The following SORCS2 variants were observed in gnomAD, a reference collection of about 807,000 sequenced individuals.
SORCS2 encodes the protein VPS10 domain-containing receptor SorCS2.
In SORCS2, 100 loss-of-function variants were observed where a neutral mutation model predicts 141.6. That is an observed-to-expected ratio of 0.71 (90% CI 0.60 to 0.83). The LOEUF (loss-of-function observed/expected upper bound fraction) is 0.83. Among genes scored for constraint, SORCS2 ranks in the 40% least tolerant of loss-of-function variants. The pLI, the probability that SORCS2 is intolerant of heterozygous loss-of-function variation, is 0.00. For missense variants in SORCS2, 1,646 were observed against 1,560.2 expected (o/e 1.05, Z -0.93); for synonymous variants, 789 against 676.9 (o/e 1.17, Z -2.57).
At chr4:7,698,170 C>T (rs979504223) in intron 12 of SORCS2, among the ~76,000 whole-genome samples, 2 of 152,208 alleles carry the variant, frequency 1.3e-5, no homozygotes, top group African/African-American at 4.8e-5. Flanking sequence ...CTGGCTGAAG[C>T]TGGCCTGCCA....
intron 18 of SORCS2, among the ~76,000 whole-genome samples, chr4:7,718,740 T>C (rs923872345): frequency 6.6e-6 from 1 of 151,062 alleles, no homozygotes; most frequent in African/African-American, 2.5e-5. Context: ...ACAAGTGTTA[T>C]ATTTTCTTCT....
intron 3 of SORCS2, among the ~76,000 whole-genome samples, chr4:7,537,723 G>A (rs1432321564): frequency 6.6e-6 from 1 of 152,150 alleles, no homozygotes; most frequent in African/African-American, 2.4e-5. Context: ...ATGAGAAAAG[G>A]GCGGCCGGAT....
chr4:7,486,073 G>A (rs78629475), intron 2 of SORCS2, among the ~76,000 whole-genome samples: 1,703 of 152,310 alleles, frequency 0.011, 9 homozygotes, highest in Non-Finnish European at 0.017. Context: ...CACAGCCTGG[G>A]GATGGCAACT....
intron 3 of SORCS2, among the ~76,000 whole-genome samples, chr4:7,614,604 AT>A (rs1718634072): frequency 1.3e-5 from 1 of 74,526 alleles, no homozygotes; most frequent in African/African-American, 6.6e-5. Context: ...CCATCCACCT[AT>A]CCACCTATCC....
chr4:7,710,960 A>G (rs1725794110), intron 14 of SORCS2, among the ~76,000 whole-genome samples: 2 of 152,216 alleles, frequency 1.3e-5, no homozygotes, highest in South Asian at 4.1e-4. Flanking sequence ...CTGTGAGCCC[A>G]GAACCAGGGG....
At chr4:7,572,560 T>G (rs1201131255) in intron 3 of SORCS2, among the ~76,000 whole-genome samples, 1 of 152,232 alleles carries the variant, frequency 6.6e-6, no homozygotes, top group African/African-American at 2.4e-5. Flanking sequence ...CCCATGTTAG[T>G]TTGCTTCAAT....
Position 7,233,628 on chromosome 4 carries a change from AG to A in SORCS2, c.480+40504del, listed in dbSNP as rs1178965955. On this transcript the variant is annotated intron_variant, in intron 1 of 26. Coordinates refer to ENST00000507866, the MANE Select transcript of SORCS2 (RefSeq NM_020777.3). The surrounding 1 kb of genome is among the most constrained non-coding windows in gnomAD (Gnocchi z 4.5). ...GTCACCGTGGAGTGCAGCGCTTCTC[AG>A]GTGGGACGTTCTAAGGTCCCCAGGT... Among the ~76,000 whole-genome samples the A allele has an allele frequency of 1.3e-5, 2 of 152,236 alleles. No individual in the cohort carries two copies. Among genetic ancestry groups the A allele is most frequent in the East Asian group, 3.9e-4 (2 of 5,172 alleles).
intron 1 of SORCS2, among the ~76,000 whole-genome samples, chr4:7,318,657 T>C (rs1476257013): frequency 6.6e-5 from 10 of 152,200 alleles, no homozygotes; most frequent in Admixed American, 6.5e-4. Flanking sequence ...ACTGTCTCAA[T>C]CATCGCAGCT....
chr4:7,290,104 C>G (rs182775278), intron 1 of SORCS2, among the ~76,000 whole-genome samples: 30 of 152,262 alleles, frequency 2.0e-4, no homozygotes, highest in Admixed American at 1.7e-3. Flanking sequence ...CTGCAAGTAG[C>G]TGAGTGACCC....
At chr4:7,692,922 G>C (rs1724353029) in intron 11 of SORCS2, among the ~76,000 whole-genome samples, 1 of 152,210 alleles carries the variant, frequency 6.6e-6, no homozygotes, top group African/African-American at 2.4e-5. Context: ...TCAGACTGCA[G>C]AGGGACCCAG....
intron 5 of SORCS2, among the ~76,000 whole-genome samples, chr4:7,654,866 G>C (rs78081863): frequency 0.017 from 2,635 of 152,278 alleles, 82 homozygotes; most frequent in African/African-American, 0.06. Context: ...GGGCCACTGG[G>C]GGCCCCTGTG....
At chr4:7,433,501 A>T (rs1292489037) in intron 2 of SORCS2, 15 of 1,601,752 alleles carry the variant, frequency 9.4e-6, no homozygotes, top group Non-Finnish European at 1.2e-5. Flanking sequence ...GCACACAGCC[A>T]CGGGGTCCAT....
At chr4:7,515,231 A>G (rs1281602673) in intron 2 of SORCS2, among the ~76,000 whole-genome samples, 1 of 152,184 alleles carries the variant, frequency 6.6e-6, no homozygotes, top group Non-Finnish European at 1.5e-5. Flanking sequence ...TGGCCAGCTC[A>G]AGGTCACACA....
At chr4:7,589,205 G>A (rs1315203103) in intron 3 of SORCS2, among the ~76,000 whole-genome samples, 4 of 152,194 alleles carry the variant, frequency 2.6e-5, no homozygotes, top group African/African-American at 9.7e-5. Flanking sequence ...CCAGTTAGGA[G>A]ATCCTTGTGG....
At position 7,225,180 on chromosome 4, in the gene SORCS2, C is replaced by T. The variant is rs928863153; in HGVS notation, c.480+32054C>T. On this transcript the variant is annotated intron_variant, in intron 1 of 26. Coordinates refer to ENST00000507866, the MANE Select transcript of SORCS2 (RefSeq NM_020777.3). ...CCCTACCCGTGCTGTGCTGCACACA[C>T]ATTTCTGCTTCAGGGGAGGTCTCAG... is the stretch of plus-strand genomic sequence containing the variant. Among the ~76,000 whole-genome samples, 17 of 152,214 alleles carry T rather than the reference C, an allele frequency of 1.1e-4. 1 individual carries two copies. The highest frequency in any genetic ancestry group is 1.9e-4 in the Non-Finnish European group (13 of 68,044).
intron 14 of SORCS2, among the ~76,000 whole-genome samples, chr4:7,709,928 G>A (rs1725714653): frequency 6.6e-6 from 1 of 152,116 alleles, no homozygotes; most frequent in Non-Finnish European, 1.5e-5. Flanking sequence ...TCGCAGCGTG[G>A]CCCATTTTTT....
At chr4:7,495,400 G>GCCTCCCACACCAGCTGTGTGT (rs1475000170) in intron 2 of SORCS2, among the ~76,000 whole-genome samples, 5 of 152,202 alleles carry the variant, frequency 3.3e-5, no homozygotes, top group African/African-American at 1.2e-4. Context: ...GCAAATCTCT[G>GCCTCCCACACCAGCTGTGTGT]CCTCCCCCAC....
chr4:7,713,228 A>T (rs182001144), intron 15 of SORCS2, among the ~76,000 whole-genome samples: 23 of 152,290 alleles, frequency 1.5e-4, no homozygotes, highest in Admixed American at 1.4e-3. Context: ...GGTCTGGGGC[A>T]AGCCCACACT....
At chr4:7,305,033 C>CTTCT (rs1447277017) in intron 1 of SORCS2, among the ~76,000 whole-genome samples, 15 of 52,742 alleles carry the variant, frequency 2.8e-4, no homozygotes, top group African/African-American at 3.9e-4. Flanking sequence ...TCTGGCTCTT[C>CTTCT]TTTTTTTTTT....
Sources: allele counts gnomAD v4.1 joint callset (sites outside exome capture counted in the v4.1 genomes callset), GRCh38; gene constraint gnomAD v4.1.1; non-coding constraint Gnocchi (gnomAD v3.1); transcripts MANE v1.5; gene names NCBI Gene and HGNC (gene_info 2026-07-23, HGNC 2026-07-21).